The following ZNF17 variants were observed in gnomAD, a reference collection of about 807,000 sequenced individuals.
ZNF17 encodes zinc finger protein 17 (HPF3, KOX 10).
Under a neutral mutation model 7.7 loss-of-function variants are expected in ZNF17, and 4 were observed. The ratio of observed to expected loss-of-function variants is 0.52; its 90% CI spans 0.26 to 1.20. ZNF17 has a LOEUF of 1.20. ZNF17 is among the 50% of genes most tolerant of loss of function. The probability of loss-of-function intolerance (pLI) is 0.14; values close to 1 mark genes in which losing one functional copy is unlikely to be tolerated. For synonymous variants in ZNF17, 249 were observed against 258.8 expected (o/e 0.96, Z 0.36); for missense variants, 738 against 799.5 (o/e 0.92, Z 0.93).
chr19:57,411,375 TG>T lies in ZNF17; in HGVS notation c.-50del. ...CCGCCCCGCTCTTCCCTGGCTGTGC[TG>T]GCGGAGGCTGCGCCGATGAACCTGA... On this transcript the variant is annotated 5_prime_UTR_variant, in exon 1 of 4. Transcript: ENST00000307658. 1 of 1,612,416 alleles carries T rather than the reference TG, an allele frequency of 6.2e-7. No individual in the cohort carries two copies. Among genetic ancestry groups the T allele is most frequent in the Non-Finnish European group, 8.5e-7 (1 of 1,179,364 alleles).
Position 57,421,720 on chromosome 19 carries a change from C to CCTG in ZNF17, c.*239_*240insCTG. On this transcript the variant is annotated 3_prime_UTR_variant, in exon 4 of 4. Transcript: ENST00000307658. Reference sequence around the variant, plus strand: ...GTCTATACCTTTTAAAACCTTATTCCTCACTCCATCCAGCCTCTTGACAAG... The same window carrying CCTG: ...GTCTATACCTTTTAAAACCTTATTCCCTGTCACTCCATCCAGCCTCTTGACAAG... 1 of 406,380 alleles carries CCTG rather than the reference C, an allele frequency of 2.5e-6. No homozygotes were observed. The highest frequency in any genetic ancestry group is 4.3e-6 in the Non-Finnish European group (1 of 233,674). The allele number at this position is 406,380 out of a possible 1,614,324, so 25.2% of individuals were successfully genotyped here.
chr19:57,417,414 C>A (rs2088817423), intron 2 of ZNF17, among the ~76,000 whole-genome samples: 1 of 152,062 alleles, frequency 6.6e-6, no homozygotes, highest in African/African-American at 2.4e-5. Context: ...GAGAAAGAAT[C>A]ATGTGTGATT....
Position 57,421,557 on chromosome 19 carries a change from T to A in ZNF17, c.*76T>A. ...CTGATTTAGCACTGGGACCTACGTT[T>A]TAAAAAAAGTATTCTTGTAGAATAC... On this transcript the variant is annotated 3_prime_UTR_variant, in exon 4 of 4. Transcript: ENST00000307658. 4.8e-6 allele frequency: 7 copies of A among 1,462,698 alleles called. No homozygotes were observed. Among genetic ancestry groups the A allele is most frequent in the Non-Finnish European group, 6.4e-6 (7 of 1,088,750 alleles). The allele number at this position is 1,462,698 out of a possible 1,614,324, so 90.6% of individuals were successfully genotyped here.
intron 2 of ZNF17, among the ~76,000 whole-genome samples, chr19:57,415,608 T>A (rs2088806819): frequency 6.6e-6 from 1 of 152,090 alleles, no homozygotes; most frequent in South Asian, 2.1e-4. Context: ...ACTGGATCTT[T>A]CTGTTGGGCA....
chr19:57,419,197 G>A, intron 3 of ZNF17: 1 of 160,276 alleles, frequency 6.2e-6, no homozygotes, highest in South Asian at 1.7e-4. Flanking sequence ...TCCTTTTACT[G>A]TTCCCTTTGT....
Position 57,411,360 on chromosome 19 carries a change from C to T in ZNF17, c.-67C>T, listed in dbSNP as rs533461005. The T allele has an allele frequency of 1.5e-5, 24 of 1,611,888 alleles. No homozygotes were observed. The South Asian group carries it at 2.1e-4, about 14-fold the overall frequency. On this transcript the variant is annotated 5_prime_UTR_variant, in exon 1 of 4. Coordinates refer to ENST00000307658, the MANE Select transcript of ZNF17 (RefSeq NM_001330617.2). Reference sequence around the variant, plus strand: ...AGGTCACTGCCGCTCCCGCCCCGCTCTTCCCTGGCTGTGCTGGCGGAGGCT... The same window carrying T: ...AGGTCACTGCCGCTCCCGCCCCGCTTTTCCCTGGCTGTGCTGGCGGAGGCT...
At chr19:57,413,978 G>A (rs536436598) in intron 2 of ZNF17, among the ~76,000 whole-genome samples, 5 of 152,252 alleles carry the variant, frequency 3.3e-5, no homozygotes, top group African/African-American at 9.6e-5. Flanking sequence ...GCAGGAGGTC[G>A]GGGCATGCAG....
chr19:57,416,503 G>T (rs1349837876), intron 2 of ZNF17, among the ~76,000 whole-genome samples: 1 of 151,038 alleles, frequency 6.6e-6, no homozygotes, highest in African/African-American at 2.4e-5. Flanking sequence ...TGTGCCAGGT[G>T]TTTTTTTTGT....
chr19:57,418,894 G>A (rs1279012259), intron 3 of ZNF17, among the ~76,000 whole-genome samples: 1 of 141,826 alleles, frequency 7.1e-6, no homozygotes, highest in East Asian at 2.0e-4. Flanking sequence ...TTTTTTTTTT[G>A]TTTTTGTTTT....
chr19:57,411,319 G>C lies in ZNF17; in HGVS notation c.-108G>C. 1 of 1,577,996 alleles carries C rather than the reference G, an allele frequency of 6.3e-7. No individual in the cohort carries two copies. ...GGTTGAATCGGTTGCAGGCGTTGGT[G>C]CCTCTGTCAGCGTCCAGGTCACTGC... On this transcript the variant is annotated 5_prime_UTR_variant, in exon 1 of 4. Transcript: ENST00000307658.
In ZNF17 at chr19:57,420,205, G is replaced by T. The variant is rs201813803; in HGVS notation, c.719G>T (p.Arg240Leu). Residue 240 changes from arginine (R) to leucine (L), a missense_variant, in exon 4 of 4, where the codon CGA becomes CTA. By Grantham distance (102) the Arg-to-Leu change is moderately radical (BLOSUM62 -2). Transcript: ENST00000307658. ...AACTCCGACCTTATTAAACATCAGCGAAATCATACTGGAGAAAGGCCTTAT... is the reference window on the plus strand; with the variant it reads ...AACTCCGACCTTATTAAACATCAGCTAAATCATACTGGAGAAAGGCCTTAT... ...RYNSDLIKHQ[R>L]NHTGERPYKC... 8.7e-6 allele frequency: 14 copies of T among 1,613,020 alleles called. No homozygotes were observed. Among genetic ancestry groups the T allele is most frequent in the African/African-American group, 2.7e-5 (2 of 74,886 alleles).
chr19:57,418,282 T>TATCCTAATG (rs1396244050), intron 3 of ZNF17, among the ~76,000 whole-genome samples: 1 of 152,158 alleles, frequency 6.6e-6, no homozygotes, highest in African/African-American at 2.4e-5. Flanking sequence ...TTCTCAAGAA[T>TATCCTAATG]ATCCTAATGA....
At position 57,419,810 on chromosome 19, in the gene ZNF17, C is replaced by T. The variant is rs2088835706; in HGVS notation, c.324C>T (p.His108=). 6.2e-7 allele frequency: 1 copy of T among 1,614,176 alleles called. No individual in the cohort carries two copies. Among genetic ancestry groups the T allele is most frequent in the East Asian group, 2.2e-5 (1 of 44,876 alleles). The change falls in exon 4 of 4, where the codon CAC becomes CAT. Residue 108 remains histidine, a synonymous_variant. Coordinates refer to ENST00000307658, the MANE Select transcript of ZNF17 (RefSeq NM_001330617.2). ...ACCTGGCTGAGCATGACGGAACACACCCCAAGCGTACAGCCAAGCTTTACC... is the reference window on the plus strand; with the variant it reads ...ACCTGGCTGAGCATGACGGAACACATCCCAAGCGTACAGCCAAGCTTTACC... The part of the protein sequence containing the change: ...ILHLAEHDGT[H]PKRTAKLYLH...
At position 57,421,554 on chromosome 19, in the gene ZNF17, G is replaced by A. The variant is rs969528000; in HGVS notation, c.*73G>A. The A allele has an allele frequency of 6.8e-6, 10 of 1,480,166 alleles. No individual in the cohort carries two copies. The highest frequency in any genetic ancestry group is 2.3e-5 in the East Asian group (1 of 43,776). 91.7% of individuals were successfully genotyped at this position (1,480,166 alleles called of 1,614,324 possible). ...ACTCTGATTTAGCACTGGGACCTAC[G>A]TTTTAAAAAAAGTATTCTTGTAGAA... is the stretch of plus-strand genomic sequence containing the variant. On this transcript the variant is annotated 3_prime_UTR_variant, in exon 4 of 4. Coordinates refer to ENST00000307658, the MANE Select transcript of ZNF17 (RefSeq NM_001330617.2).
At chr19:57,419,456 G>A (rs368797933) in intron 3 of ZNF17, 179 bp from the exon 4 acceptor site, 5 of 629,370 alleles carry the variant, frequency 7.9e-6, no homozygotes, top group Non-Finnish European at 1.1e-5. Flanking sequence ...GGACTCTTTC[G>A]TTATGGGTTT....
chr19:57,411,941 G>C (rs966977777), intron 1 of ZNF17, among the ~76,000 whole-genome samples: 2 of 152,178 alleles, frequency 1.3e-5, no homozygotes, highest in Non-Finnish European at 2.9e-5. Flanking sequence ...CTATTCCATG[G>C]ATTTTGTTTT....
At position 57,411,420 on chromosome 19, in the gene ZNF17, C is replaced by T. The variant is rs774271991; in HGVS notation, c.-21+14C>T. The T allele has an allele frequency of 2.5e-6, 4 of 1,610,006 alleles. No homozygotes were observed. In the Admixed American group the frequency reaches 5.0e-5, roughly 20 times the overall value. ...AACCTGACTGAGGTGGGTGCCGCGTCCCAGGGCGCCCCGCCCGATCCCTCC... is the reference window on the plus strand; with the variant it reads ...AACCTGACTGAGGTGGGTGCCGCGTTCCAGGGCGCCCCGCCCGATCCCTCC... On this transcript the variant is annotated intron_variant, in intron 1 of 3. Transcript: ENST00000307658.
rs1175817528 is a variant in ZNF17 at position 57,411,236 on chromosome 19, A to G, written c.-191A>G. 9.0e-7 allele frequency: 1 copy of G among 1,112,632 alleles called. No homozygotes were observed. Among genetic ancestry groups the G allele is most frequent in the Admixed American group, 2.6e-5 (1 of 37,746 alleles). The allele number at this position is 1,112,632 out of a possible 1,614,324, so 68.9% of individuals were successfully genotyped here. A position where few individuals can be genotyped will look rare whatever the true frequency, so the allele number is the denominator to read the frequency against. ...TCAGGCTGAGTCGAGACTGAGGTGA[A>G]AAAGCGGAAAAACGCGAGAAAAGGT... is the stretch of plus-strand genomic sequence containing the variant. On this transcript the variant is annotated 5_prime_UTR_variant, in exon 1 of 4. Coordinates refer to ENST00000307658, the MANE Select transcript of ZNF17 (RefSeq NM_001330617.2).
rs758787560 is a variant in ZNF17, at chr19:57,421,066, C to G, written c.1580C>G (p.Pro527Arg). Reference sequence around the variant, plus strand: ...CAGAGAATTCACACTGGTGAAAGGCCTTATGAGTGTAGTGAATGTGGGAAA... The same window carrying G: ...CAGAGAATTCACACTGGTGAAAGGCGTTATGAGTGTAGTGAATGTGGGAAA... ...THQRIHTGER[P>R]YECSECGKFF... Residue 527 changes from proline (P) to arginine (R), a missense_variant, in exon 4 of 4, where the codon CCT becomes CGT. Physicochemically the swap from Pro to Arg is moderately radical, Grantham distance 103. Around this residue, in one of 3 missense-constraint regions of ZNF17, gnomAD observed 616 missense variants for 663.9 expected, o/e 0.93. Transcript: ENST00000307658. 9.9e-6 allele frequency: 16 copies of G among 1,614,042 alleles called. No homozygotes were observed. The Admixed American group carries it at 2.7e-4, about 27-fold the overall frequency.
Sources: gnomAD v4.1 joint callset for allele counts (sites outside exome capture counted in the v4.1 genomes callset) on GRCh38, gnomAD v4.1.1 for gene constraint, gnomAD v4.1.1 regional missense constraint, MANE v1.5 for transcripts, NCBI Gene and HGNC (gene_info 2026-07-23, HGNC 2026-07-21) for gene names.